The following AKAP13 variants were observed in gnomAD, a reference collection of about 807,000 sequenced individuals.
AKAP13 encodes the protein A-kinase anchor protein 13.
Under a neutral mutation model 264.5 loss-of-function variants are expected in AKAP13, and 80 were observed. The observed-to-expected ratio is 0.30, with a 90% CI of 0.25 to 0.36. AKAP13 has a LOEUF of 0.36. Among genes scored for constraint, AKAP13 ranks in the 10% least tolerant of loss-of-function variants. AKAP13 has a pLI of 1.00. For synonymous variants in AKAP13, 1,380 were observed against 1,250.2 expected (o/e 1.10, Z -2.19); for missense variants, 3,712 against 3,435.2 (o/e 1.08, Z -2.01).
chr15:85,686,674 G>A lies in AKAP13; in HGVS notation c.5289+1801G>A, dbSNP rs564487510. 3.3e-5 allele frequency among the ~76,000 whole-genome samples: 5 copies of A among 151,740 alleles called. No individual in the cohort carries two copies. The East Asian group carries it at 9.7e-4, about 29-fold the overall frequency. On this transcript the variant is annotated intron_variant, in intron 16 of 36. Transcript: ENST00000394518. ...TATTCTACGTATTTACATATTGGCAGCCAGGCTTAAAATAGAGCCTTACCT... is the reference window on the plus strand; with the variant it reads ...TATTCTACGTATTTACATATTGGCAACCAGGCTTAAAATAGAGCCTTACCT...
chr15:85,385,402 C>T (rs1279579295), intron 1 of AKAP13, among the ~76,000 whole-genome samples: 1 of 152,122 alleles, frequency 6.6e-6, no homozygotes, highest in Non-Finnish European at 1.5e-5. Context: ...GTATAGTTTA[C>T]ATTCACTAAA....
Position 85,735,164 on chromosome 15 carries a change from A to T in AKAP13, c.7441+14A>T, listed in dbSNP as rs17638180. 6.2e-7 allele frequency: 1 copy of T among 1,611,312 alleles called. No homozygotes were observed. The highest frequency in any genetic ancestry group is 8.5e-7 in the Non-Finnish European group (1 of 1,178,764). ...ATGCTTCAAAAGGTAAATGATGTGA[A>T]GTCATGAGCTTTTATAGGCAATCCT... On this transcript the variant is annotated intron_variant, in intron 31 of 36. Transcript: ENST00000394518.
intron 5 of AKAP13, among the ~76,000 whole-genome samples, chr15:85,558,049 A>T (rs1290167543): frequency 1.3e-5 from 2 of 152,108 alleles, no homozygotes; most frequent in Non-Finnish European, 2.9e-5. Context: ...TTCTCCCCAG[A>T]ATCTGTGCAC....
In AKAP13 at chr15:85,570,907, A is replaced by G. The variant is rs149170467; in HGVS notation, c.663-4224A>G. 5.3e-5 allele frequency among the ~76,000 whole-genome samples: 8 copies of G among 151,314 alleles called. No individual in the cohort carries two copies. The East Asian group carries it at 1.6e-3, about 29-fold the overall frequency. ...AAGAAACAGAGCAAAACCTCGGTCTAGAAGAGGTATCCTGAAGTTGGAGAG... is the reference window on the plus strand; with the variant it reads ...AAGAAACAGAGCAAAACCTCGGTCTGGAAGAGGTATCCTGAAGTTGGAGAG... On this transcript the variant is annotated intron_variant, in intron 5 of 36. Transcript: ENST00000394518.
chr15:85,410,911 T>C (rs2071928990), intron 1 of AKAP13, among the ~76,000 whole-genome samples: 1 of 149,438 alleles, frequency 6.7e-6, no homozygotes, highest in South Asian at 2.1e-4. Flanking sequence ...AAATGTTCTG[T>C]CCCCTTTAGT....
chr15:85,520,498 C>CAAAAAAAAAAAAAAAAAAAAAAAAAAAA (rs71468111), intron 2 of AKAP13, among the ~76,000 whole-genome samples: 2 of 71,294 alleles, frequency 2.8e-5, no homozygotes, highest in Non-Finnish European at 6.0e-5. Flanking sequence ...AACTCCGTCT[C>CAAAAAAAAAAAAAAAAAAAAAAAAAAAA]AAAAAAAAAA....
chr15:85,467,067 G>T (rs1056860804), intron 1 of AKAP13, among the ~76,000 whole-genome samples: 3 of 114,952 alleles, frequency 2.6e-5, no homozygotes, highest in Non-Finnish European at 6.0e-5. Context: ...ATCTATTATT[G>T]TATTAACTAC....
rs757332440 is a variant in AKAP13, at chr15:85,723,170, G to A, written c.6595G>A (p.Val2199Met). The A allele has an allele frequency of 1.2e-6, 2 of 1,614,158 alleles. No individual in the cohort carries two copies. Among genetic ancestry groups the A allele is most frequent in the East Asian group, 2.2e-5 (1 of 44,880 alleles). ...DSKVASYEKK[V>M]RLNEIYTKTD... The stretch of plus-strand genomic sequence containing the variant: ...CAAAGTGGCAAGTTATGAAAAGAAA[G>A]TGCGTCTCAATGAGATTTATACAAA... The change falls in exon 26 of 37, where the codon GTG (valine) becomes ATG (methionine). Residue 2199 changes from valine to methionine, a missense_variant. Val to Met is a conservative substitution (Grantham distance 21). Around this residue, in one of 3 missense-constraint regions of AKAP13, gnomAD observed 342 missense variants for 484.3 expected, o/e 0.71. Transcript: ENST00000394518.
At chr15:85,459,099 T>G (rs2074403452) in intron 1 of AKAP13, among the ~76,000 whole-genome samples, 1 of 152,238 alleles carries the variant, frequency 6.6e-6, no homozygotes, top group Non-Finnish European at 1.5e-5. Context: ...CTGGTGCTCA[T>G]TGTCACAAAC....
intron 1 of AKAP13, among the ~76,000 whole-genome samples, chr15:85,484,822 C>G: frequency 6.6e-6 from 1 of 152,154 alleles, no homozygotes; most frequent in East Asian, 1.9e-4. Context: ...GTTATTTTGT[C>G]TGTGTTTTTG....
At chr15:85,503,603 A>G (rs941484075) in intron 2 of AKAP13, among the ~76,000 whole-genome samples, 4 of 152,146 alleles carry the variant, frequency 2.6e-5, no homozygotes, top group African/African-American at 9.7e-5. Context: ...AGAGATGACG[A>G]TTGTGCAAAC....
chr15:85,715,923 G>C lies in AKAP13; in HGVS notation c.5735G>C (p.Gly1912Ala), dbSNP rs1471253710. 4 of 1,610,754 alleles carry C rather than the reference G, an allele frequency of 2.5e-6. No individual in the cohort carries two copies. The highest frequency in any genetic ancestry group is 1.7e-5 in the Admixed American group (1 of 59,124). ...SKSVSIQNIT[G>A]VGNDENMSNT... Reference sequence around the variant, plus strand: ...AGTGTCTCCATACAGAACATTACTGGGTAAGTGGAGATATTTAAAGATAGC... The same window carrying C: ...AGTGTCTCCATACAGAACATTACTGCGTAAGTGGAGATATTTAAAGATAGC... The change falls in exon 20 of 37, where the codon GGA becomes GCA. Residue 1912 changes from glycine (G) to alanine (A), a missense_variant and splice_region_variant. Around this residue, in one of 3 missense-constraint regions of AKAP13, gnomAD observed 2,759 missense variants for 2,411.7 expected, o/e 1.14. Transcript: ENST00000394518.
chr15:85,744,049 C>T (rs537207362), intron 36 of AKAP13: 2 of 559,278 alleles, frequency 3.6e-6, no homozygotes, highest in South Asian at 5.1e-5. Context: ...GCATGGGTTT[C>T]ATTTTCAAGG....
chr15:85,706,575 C>T (rs1029821189), intron 17 of AKAP13, among the ~76,000 whole-genome samples: 1 of 152,178 alleles, frequency 6.6e-6, no homozygotes, highest in Admixed American at 6.5e-5. Context: ...AGTTTGACAG[C>T]TGTTTGTCCT....
chr15:85,600,565 A>T (rs937556817), intron 8 of AKAP13, among the ~76,000 whole-genome samples: 1 of 152,248 alleles, frequency 6.6e-6, no homozygotes, highest in Non-Finnish European at 1.5e-5. Flanking sequence ...AGTAGACAGG[A>T]CTTTAAATAT....
intron 8 of AKAP13, among the ~76,000 whole-genome samples, chr15:85,637,595 ATTTTATTGTTC>A (rs1430506410): frequency 6.6e-6 from 1 of 151,764 alleles, no homozygotes; most frequent in African/African-American, 2.4e-5. Flanking sequence ...GGTTTCATTG[ATTTTATTGTTC>A]TTCTGTATTC....
intron 1 of AKAP13, among the ~76,000 whole-genome samples, chr15:85,446,207 G>A (rs1296634651): frequency 1.3e-5 from 2 of 152,172 alleles, no homozygotes; most frequent in African/African-American, 4.8e-5. Flanking sequence ...AAGTTGTGGG[G>A]CAGTTGAACC....
At chr15:85,440,953 G>C (rs935659246) in intron 1 of AKAP13, among the ~76,000 whole-genome samples, 2 of 152,168 alleles carry the variant, frequency 1.3e-5, no homozygotes, top group African/African-American at 4.8e-5. Context: ...AGAGCCCACG[G>C]TTTGAAAGCA....
chr15:85,647,620 G>C (rs951576792), intron 10 of AKAP13, among the ~76,000 whole-genome samples: 15 of 151,874 alleles, frequency 9.9e-5, no homozygotes, highest in African/African-American at 3.6e-4. Context: ...GTCACTCATA[G>C]TGACTTGACA....
Sources: allele counts gnomAD v4.1 joint callset (sites outside exome capture counted in the v4.1 genomes callset), GRCh38; gene constraint gnomAD v4.1.1; regional missense constraint gnomAD v4.1.1; transcripts MANE v1.5; gene names NCBI Gene and HGNC (gene_info 2026-07-23, HGNC 2026-07-21).